SLC24A2: variants seen among roughly 807,000 people sequenced by gnomAD.
SLC24A2 encodes sodium/potassium/calcium exchanger 2.
SLC24A2 carries 36 observed loss-of-function variants against 62.0 expected under a neutral mutation model. The observed-to-expected ratio is 0.58, with a 90% CI of 0.44 to 0.77. The LOEUF (loss-of-function observed/expected upper bound fraction) is 0.77. SLC24A2 is among the 30% of genes least tolerant of loss of function. SLC24A2 has a pLI of 0.00. For synonymous variants in SLC24A2, 358 were observed against 294.0 expected (o/e 1.22, Z -2.23); for missense variants, 846 against 817.9 (o/e 1.03, Z -0.42).
chr9:20,289,544 G>T, the SLC24A2 span, among the ~76,000 whole-genome samples: 20 of 152,282 alleles, frequency 1.3e-4, no homozygotes, highest in Middle Eastern at 0.01. Context: ...CTCTCATTGT[G>T]AAATGCAGAT....
At chr9:19,789,733 A>C (rs1258165871), upstream of SLC24A2, among the ~76,000 whole-genome samples, 2 of 152,206 alleles carry the variant, frequency 1.3e-5, no homozygotes, top group Non-Finnish European at 2.9e-5. Flanking sequence ...ATCTGGGCCA[A>C]AGAATGGAAG....
intron 2 of SLC24A2, among the ~76,000 whole-genome samples, chr9:19,706,897 A>G (rs992312001): frequency 6.6e-6 from 1 of 152,000 alleles, no homozygotes; most frequent in African/African-American, 2.4e-5. Context: ...GCAAGAAATA[A>G]CTAAAATCAG....
intron 8 of SLC24A2, among the ~76,000 whole-genome samples, chr9:19,545,769 G>C (rs1334196732): frequency 6.6e-6 from 1 of 151,970 alleles, no homozygotes; most frequent in Non-Finnish European, 1.5e-5. Context: ...CTCCTGAGTA[G>C]CTGGGACTAC....
the SLC24A2 span, among the ~76,000 whole-genome samples, chr9:19,868,256 T>G: frequency 6.6e-6 from 1 of 152,188 alleles, no homozygotes. Flanking sequence ...GATTTATTCT[T>G]TGATCTATTA....
Position 19,627,174 on chromosome 9 carries a change from T to A in SLC24A2, c.931-4875A>T, listed in dbSNP as rs1293116669. Among the ~76,000 whole-genome samples the A allele has an allele frequency of 2.6e-5, 4 of 152,150 alleles. No individual in the cohort carries two copies. In the South Asian group the frequency reaches 8.3e-4, roughly 32 times the overall value. On this transcript the variant is annotated intron_variant, in intron 2 of 10. Coordinates refer to ENST00000341998, the MANE Select transcript of SLC24A2 (RefSeq NM_020344.4). Reference sequence around the variant, plus strand: ...CAGCCCAGGGTGCAGGAGTACCCACTTTACAATCCGGTTTAAAGAAATACA... The same window carrying A: ...CAGCCCAGGGTGCAGGAGTACCCACATTACAATCCGGTTTAAAGAAATACA...
chr9:19,743,325 T>C (rs1587255225), intron 2 of SLC24A2, among the ~76,000 whole-genome samples: 1 of 152,294 alleles, frequency 6.6e-6, no homozygotes, highest in African/African-American at 2.4e-5. Flanking sequence ...ACCTTATAAA[T>C]TATAGAGAAT....
At chr9:19,820,058 C>CATATATATATATATATATATATATATAT in the SLC24A2 span, among the ~76,000 whole-genome samples, 2 of 34,612 alleles carry the variant, frequency 5.8e-5, no homozygotes, top group Non-Finnish European at 8.5e-5. Context: ...TATATATACA[C>CATATATATATATATATATATATATATAT]ATATATATAT....
the SLC24A2 span, among the ~76,000 whole-genome samples, chr9:20,228,463 C>A: frequency 6.6e-6 from 1 of 151,692 alleles, no homozygotes; most frequent in Non-Finnish European, 1.5e-5. Flanking sequence ...AGCTGGCACC[C>A]CAAATTGTCT....
At chr9:19,883,095 G>A in the SLC24A2 span, among the ~76,000 whole-genome samples, 1 of 152,148 alleles carries the variant, frequency 6.6e-6, no homozygotes, top group South Asian at 2.1e-4. Context: ...AATATCAAAT[G>A]ATTAAAAATT....
chr9:20,113,606 T>A, the SLC24A2 span, among the ~76,000 whole-genome samples: 2 of 152,212 alleles, frequency 1.3e-5, no homozygotes, highest in African/African-American at 4.8e-5. Context: ...TAAAAATTTG[T>A]AAAATATGGC....
chr9:19,862,253 C>T, the SLC24A2 span, among the ~76,000 whole-genome samples: 1 of 152,100 alleles, frequency 6.6e-6, no homozygotes, highest in Admixed American at 6.6e-5. Context: ...GCAGACTATT[C>T]AGTGGAAACC....
intron 9 of SLC24A2, among the ~76,000 whole-genome samples, chr9:19,525,391 CTTTTTTTTTTTTTTTTT>C (rs572919824): frequency 1.3e-5 from 1 of 76,374 alleles, no homozygotes; most frequent in African/African-American, 5.7e-5. Flanking sequence ...TATTTCTTTA[CTTTTTTTTTTTTTTTTT>C]TTTTTTTTTT....
chr9:20,019,230 A>T, the SLC24A2 span, among the ~76,000 whole-genome samples: 1 of 144,392 alleles, frequency 6.9e-6, no homozygotes, highest in Non-Finnish European at 1.5e-5. Context: ...ACAGAAAGAA[A>T]GAAAGAAAAA....
the SLC24A2 span, among the ~76,000 whole-genome samples, chr9:20,105,795 A>C: frequency 6.6e-6 from 1 of 152,156 alleles, no homozygotes; most frequent in African/African-American, 2.4e-5. Context: ...AGAACTAAAA[A>C]GCAAGAGCAA....
chr9:19,820,062 T>TATATATAC, the SLC24A2 span, among the ~76,000 whole-genome samples: 184 of 129,188 alleles, frequency 1.4e-3, 4 homozygotes, highest in African/African-American at 5.7e-3. Flanking sequence ...TATACACATA[T>TATATATAC]ATATATATAT....
the SLC24A2 span, among the ~76,000 whole-genome samples, chr9:19,890,054 C>A: frequency 2.0e-5 from 3 of 152,010 alleles, no homozygotes; most frequent in Non-Finnish European, 4.4e-5. Context: ...GTTTATGGAC[C>A]ACCAATATAA....
At chr9:19,823,223 C>T in the SLC24A2 span, among the ~76,000 whole-genome samples, 1 of 151,928 alleles carries the variant, frequency 6.6e-6, no homozygotes, top group African/African-American at 2.4e-5. Flanking sequence ...TACATAATTT[C>T]AGATTTACAG....
At chr9:19,726,563 C>T (rs928924146) in intron 2 of SLC24A2, among the ~76,000 whole-genome samples, 4 of 152,142 alleles carry the variant, frequency 2.6e-5, no homozygotes, top group Non-Finnish European at 5.9e-5. Context: ...ACCTCAGCAA[C>T]CTTCTCCAAA....
At chr9:19,759,465 T>C (rs1822246203) in intron 2 of SLC24A2, among the ~76,000 whole-genome samples, 1 of 152,180 alleles carries the variant, frequency 6.6e-6, no homozygotes, top group Admixed American at 6.5e-5. Context: ...TCTGAAATTA[T>C]CCCATAAAAG....
Sources: gnomAD v4.1 joint callset for allele counts (sites outside exome capture counted in the v4.1 genomes callset) on GRCh38, gnomAD v4.1.1 for gene constraint, MANE v1.5 for transcripts, NCBI Gene and HGNC (gene_info 2026-07-23, HGNC 2026-07-21) for gene names.